ANOS1: variants seen among roughly 807,000 people sequenced by gnomAD.
The protein encoded by ANOS1 is anosmin-1.
ANOS1 carries 6 observed loss-of-function variants against 59.0 expected under a neutral mutation model. That is an observed-to-expected ratio of 0.10 (90% CI 0.06 to 0.20). The LOEUF (loss-of-function observed/expected upper bound fraction) is 0.20. Ranked by LOEUF, ANOS1 falls within the 10% of genes least tolerant of loss-of-function variation. The pLI is 1.00. For missense variants in ANOS1, 433 were observed against 542.3 expected (o/e 0.80, Z 2.00); for synonymous variants, 217 against 223.4 (o/e 0.97, Z 0.25).
chrX:8,703,862 A>C (rs375075393), intron 1 of ANOS1, among the ~76,000 whole-genome samples: 3 of 111,766 alleles, frequency 2.7e-5, no homozygotes, highest in Non-Finnish European at 5.6e-5. Flanking sequence ...GAGTTAATTA[A>C]AACAAAAATA....
chrX:8,672,450 G>A (rs145437691), intron 2 of ANOS1, among the ~76,000 whole-genome samples: 3,173 of 112,315 alleles, frequency 0.028, 117 homozygotes, highest in African/African-American at 0.098. Context: ...TTGAAGCAGT[G>A]GGAAGTCGAA....
intron 2 of ANOS1, among the ~76,000 whole-genome samples, chrX:8,638,003 T>C (rs909968114): frequency 3.6e-5 from 4 of 112,027 alleles, no homozygotes; most frequent in African/African-American, 1.3e-4. Context: ...AGAGGCTTCA[T>C]CAGGGGATGG....
intron 1 of ANOS1, among the ~76,000 whole-genome samples, chrX:8,705,026 G>GT (rs1385041188): frequency 9.0e-6 from 1 of 111,419 alleles, no homozygotes; most frequent in East Asian, 2.8e-4. Context: ...TTTCCATTCT[G>GT]TTTTTTCCTT....
In ANOS1 at chrX:8,726,536, C is replaced by T. The variant is rs573281591; in HGVS notation, c.207+5294G>A. The stretch of plus-strand genomic sequence containing the variant: ...ATACACACACATCCCGCCTCACTTG[C>T]CCACGGACTACTACTTTTCCTCAAA... On this transcript the variant is annotated intron_variant, in intron 1 of 13. Transcript: ENST00000262648. Among the ~76,000 whole-genome samples, 45 of 112,099 alleles carry T rather than the reference C, an allele frequency of 4.0e-4. No individual in the cohort carries two copies. In the South Asian group the frequency reaches 0.016, roughly 41 times the overall value.
chrX:8,654,121 C>A (rs1931891884), intron 2 of ANOS1, among the ~76,000 whole-genome samples: 1 of 111,730 alleles, frequency 9.0e-6, no homozygotes, highest in African/African-American at 3.3e-5. Flanking sequence ...CATCCAGCCC[C>A]AGGGCTAGAG....
chrX:8,684,177 C>T (rs1280197809), intron 2 of ANOS1, among the ~76,000 whole-genome samples: 4 of 111,536 alleles, frequency 3.6e-5, no homozygotes, highest in Non-Finnish European at 5.6e-5. Context: ...CATTCAGAAA[C>T]GTGAAAACAC....
intron 8 of ANOS1, among the ~76,000 whole-genome samples, chrX:8,560,794 G>A (rs1480960271): frequency 8.9e-6 from 1 of 112,225 alleles, no homozygotes; most frequent in Non-Finnish European, 1.9e-5. Flanking sequence ...CATTTATATG[G>A]TTTAATAATT....
chrX:8,682,921 C>T (rs1012773512), intron 2 of ANOS1, among the ~76,000 whole-genome samples: 4 of 111,559 alleles, frequency 3.6e-5, no homozygotes, highest in African/African-American at 9.8e-5. Context: ...AGGGCTACCA[C>T]GGACCATCAT....
intron 1 of ANOS1, among the ~76,000 whole-genome samples, chrX:8,709,078 A>G (rs1194005184): frequency 9.1e-6 from 1 of 109,869 alleles, no homozygotes; most frequent in Non-Finnish European, 1.9e-5. Flanking sequence ...ACACATGGAC[A>G]TAGGGAAGGG....
chrX:8,712,330 C>G (rs984472932), intron 1 of ANOS1, among the ~76,000 whole-genome samples: 2 of 112,149 alleles, frequency 1.8e-5, no homozygotes, highest in Non-Finnish European at 3.8e-5. Flanking sequence ...TCCAGAATGA[C>G]TCATCTCAAT....
intron 2 of ANOS1, among the ~76,000 whole-genome samples, chrX:8,652,780 C>T (rs914702418): frequency 1.1e-4 from 12 of 111,566 alleles, no homozygotes; most frequent in African/African-American, 3.6e-4. Context: ...CAACAAATTG[C>T]ATGAGCATAA....
In ANOS1 at chrX:8,532,276, C is replaced by T. The variant is rs1291278429; in HGVS notation, c.*719G>A. 1 of 111,495 alleles carries T rather than the reference C, an allele frequency of 9.0e-6. No individual in the cohort carries two copies. Among genetic ancestry groups the T allele is most frequent in the African/African-American group, 3.3e-5 (1 of 30,678 alleles). The allele number at this position is 111,495 out of a possible 1,213,427, so 9.2% of individuals were successfully genotyped here. Reference sequence around the variant, plus strand: ...ATAGGATCAAATATTAAAAGGCATCCCCAAGAAATAATTTTCATTTCTCCA... The same window carrying T: ...ATAGGATCAAATATTAAAAGGCATCTCCAAGAAATAATTTTCATTTCTCCA... On this transcript the variant is annotated 3_prime_UTR_variant, in exon 14 of 14. Transcript: ENST00000262648.
At chrX:8,714,991 A>G (rs983511645) in intron 1 of ANOS1, among the ~76,000 whole-genome samples, 1 of 112,109 alleles carries the variant, frequency 8.9e-6, no homozygotes, top group Non-Finnish European at 1.9e-5. Flanking sequence ...TTAATGAGGG[A>G]TCACTTGAGA....
chrX:8,672,030 A>G (rs1056327076), intron 2 of ANOS1, among the ~76,000 whole-genome samples: 8 of 110,885 alleles, frequency 7.2e-5, no homozygotes, highest in Non-Finnish European at 1.5e-4. Flanking sequence ...TCCTAACTGA[A>G]ATTTTGTATC....
intron 2 of ANOS1, among the ~76,000 whole-genome samples, chrX:8,659,099 T>C (rs771913828): frequency 3.7e-4 from 41 of 110,584 alleles, no homozygotes; most frequent in Non-Finnish European, 7.0e-4. Flanking sequence ...TGGTGGTGTG[T>C]GCCTGTAATC....
At position 8,661,002 on chromosome X, in the gene ANOS1, T is replaced by C. The variant is rs149526352; in HGVS notation, c.256-37332A>G. On this transcript the variant is annotated intron_variant, in intron 2 of 13. Transcript: ENST00000262648. ...CTAGAAATGCCACAATAAAGTCCCA[T>C]AGACTGGGCAGCCTAAACAACAGAC... Among the ~76,000 whole-genome samples the C allele has an allele frequency of 5.1e-4, 57 of 111,590 alleles. 1 individual carries two copies. The highest frequency in any genetic ancestry group is 1.8e-3 in the African/African-American group (56 of 30,701).
chrX:8,644,245 A>G (rs953214550), intron 2 of ANOS1, among the ~76,000 whole-genome samples: 4 of 111,390 alleles, frequency 3.6e-5, no homozygotes, highest in African/African-American at 1.3e-4. Context: ...CTAAGCCTCC[A>G]CTCAATGGAC....
Position 8,536,877 on chromosome X carries a change from T to C in ANOS1, c.1515A>G (p.Ile505Met), listed in dbSNP as rs750825738. ...SCKYKVTVQP[I>M]RPKSHSKAEA... ...CTGCCTTGGAGTGACTTTTTGGCCG[T>C]ATTGGTTGGACAGTCACCTTATACT... The change falls in exon 11 of 14, where the codon ATA becomes ATG. Residue 505 changes from isoleucine (I) to methionine (M), a missense_variant. Transcript: ENST00000262648. 3.5e-5 allele frequency: 42 copies of C among 1,205,677 alleles called. No individual in the cohort carries two copies. Among genetic ancestry groups the C allele is most frequent in the Non-Finnish European group, 4.5e-5 (40 of 891,549 alleles).
At chrX:8,709,736 G>A (rs750978465) in intron 1 of ANOS1, among the ~76,000 whole-genome samples, 25 of 111,734 alleles carry the variant, frequency 2.2e-4, no homozygotes, top group African/African-American at 7.5e-4. Flanking sequence ...AATATAGGAT[G>A]TTTTATAAAT....
Sources: gnomAD v4.1 joint callset for allele counts (sites outside exome capture counted in the v4.1 genomes callset) on GRCh38, gnomAD v4.1.1 for gene constraint, MANE v1.5 for transcripts, NCBI Gene and HGNC (gene_info 2026-07-23, HGNC 2026-07-21) for gene names.